Variants in SORBS2 observed in about 807,000 individuals in gnomAD.
The protein encoded by SORBS2 is sorbin and SH3 domain-containing protein 2.
SORBS2 carries 46 observed loss-of-function variants against 97.7 expected under a neutral mutation model. That is an observed-to-expected ratio of 0.47 (90% CI 0.37 to 0.60). The LOEUF (loss-of-function observed/expected upper bound fraction) is 0.60. Ranked by LOEUF, SORBS2 falls within the 20% of genes least tolerant of loss-of-function variation. The probability of loss-of-function intolerance (pLI) is 0.00; values close to 1 mark genes in which losing one functional copy is unlikely to be tolerated. For synonymous variants in SORBS2, 476 were observed against 473.4 expected (o/e 1.01, Z -0.07); for missense variants, 1,316 against 1,282.3 (o/e 1.03, Z -0.40).
chr4:185,817,640 C>A (rs1298931400), intron 1 of SORBS2, among the ~76,000 whole-genome samples: 1 of 152,222 alleles, frequency 6.6e-6, no homozygotes, highest in Non-Finnish European at 1.5e-5. Flanking sequence ...GCCGTCACGG[C>A]ATTGTTGAAT....
At chr4:185,695,271 G>A (rs1427421548) in intron 2 of SORBS2, among the ~76,000 whole-genome samples, 2 of 152,080 alleles carry the variant, frequency 1.3e-5, no homozygotes, top group Non-Finnish European at 2.9e-5. Flanking sequence ...AGAATTCTAT[G>A]TAGGTCATTT....
chr4:185,886,293 C>T (rs377608854), intron 1 of SORBS2, among the ~76,000 whole-genome samples: 5 of 152,104 alleles, frequency 3.3e-5, no homozygotes, highest in Admixed American at 6.5e-5. Context: ...CGGTGGCTCA[C>T]GCCTGTAATC....
intron 4 of SORBS2, among the ~76,000 whole-genome samples, chr4:185,636,978 G>A (rs1020891663): frequency 2.0e-5 from 3 of 152,218 alleles, no homozygotes; most frequent in Admixed American, 6.5e-5. Context: ...AACAGGCTAA[G>A]CAATAAGGCC....
intron 1 of SORBS2, among the ~76,000 whole-genome samples, chr4:185,944,916 T>C (rs10866286): frequency 0.9 from 136,675 of 152,200 alleles, 61,434 homozygotes; most frequent in East Asian, 0.94. Context: ...ACAAAACCAC[T>C]CTGTCACTGA....
At chr4:185,850,914 G>A (rs1579186653) in intron 1 of SORBS2, among the ~76,000 whole-genome samples, 1 of 152,174 alleles carries the variant, frequency 6.6e-6, no homozygotes, top group East Asian at 1.9e-4. Context: ...GGCACACGAG[G>A]GTAAATTCAC....
At chr4:185,717,793 T>A (rs1248463097) in intron 2 of SORBS2, among the ~76,000 whole-genome samples, 1 of 152,192 alleles carries the variant, frequency 6.6e-6, no homozygotes. Context: ...GGCTTAAAAG[T>A]CACAATCTGG....
At chr4:185,591,915 CAA>C (rs2095950057) in intron 13 of SORBS2, 1 of 152,154 alleles carries the variant, frequency 6.6e-6, no homozygotes, top group Non-Finnish European at 1.5e-5. Context: ...ACCACAGAAA[CAA>C]AAACAAAACA....
chr4:185,858,136 A>C (rs1396689101), intron 1 of SORBS2, among the ~76,000 whole-genome samples: 3 of 152,174 alleles, frequency 2.0e-5, no homozygotes, highest in Non-Finnish European at 4.4e-5. Flanking sequence ...GCCCAGCTGT[A>C]AAATTTCTCT....
chr4:185,821,280 G>A (rs2099196691), intron 1 of SORBS2, among the ~76,000 whole-genome samples: 1 of 152,190 alleles, frequency 6.6e-6, no homozygotes, highest in African/African-American at 2.4e-5. Context: ...AGGTGGAGTG[G>A]CACAGAAGCC....
chr4:185,705,596 T>C (rs1171081671), intron 2 of SORBS2, among the ~76,000 whole-genome samples: 2 of 152,182 alleles, frequency 1.3e-5, no homozygotes, highest in Admixed American at 6.5e-5. Context: ...AAGTTTAATA[T>C]TGATATGTTC....
chr4:185,671,885 C>A (rs1241209046), intron 4 of SORBS2, among the ~76,000 whole-genome samples: 1 of 152,190 alleles, frequency 6.6e-6, no homozygotes, highest in East Asian at 1.9e-4. Flanking sequence ...AGGCTGGATG[C>A]CCATCTATTG....
intron 4 of SORBS2, among the ~76,000 whole-genome samples, chr4:185,671,282 C>T (rs1263991948): frequency 2.6e-5 from 4 of 152,172 alleles, no homozygotes; most frequent in Non-Finnish European, 4.4e-5. Context: ...TTCTACTGTA[C>T]TCTGTGGTAT....
rs1028734573 is a variant in SORBS2 at position 185,887,908 on chromosome 4, TTTTG to T, written c.-338+68284_-338+68287del. Among the ~76,000 whole-genome samples the T allele has an allele frequency of 7.2e-5, 11 of 152,074 alleles. No individual in the cohort carries two copies. In the East Asian group the frequency reaches 1.5e-3, roughly 21 times the overall value. ...TGTTGTTGGATAGAAAAGGTTGCTT[TTTTG>T]TTTGACTTTTTACTAAATTATCATG... On this transcript the variant is annotated intron_variant, in intron 1 of 20. Coordinates refer to the SORBS2 transcript ENST00000284776.
chr4:185,744,700 T>G (rs1460320637), intron 2 of SORBS2, among the ~76,000 whole-genome samples: 3 of 152,206 alleles, frequency 2.0e-5, no homozygotes, highest in Non-Finnish European at 4.4e-5. Context: ...ACTGACAATG[T>G]CCAAGTCCAC....
chr4:185,873,714 T>C (rs9995677), intron 1 of SORBS2, among the ~76,000 whole-genome samples: 65,797 of 151,962 alleles, frequency 0.43, 15,450 homozygotes, highest in East Asian at 0.72. Context: ...CCCTGCATAC[T>C]GTCCAAAACT....
At chr4:185,845,401 A>T (rs2099214008) in intron 1 of SORBS2, among the ~76,000 whole-genome samples, 1 of 152,240 alleles carries the variant, frequency 6.6e-6, no homozygotes, top group Non-Finnish European at 1.5e-5. Flanking sequence ...TACATACTTT[A>T]AAGTGGTTAA....
intron 4 of SORBS2, chr4:185,638,998 T>G (rs969628683): frequency 2.6e-6 from 4 of 1,522,712 alleles, no homozygotes; most frequent in Non-Finnish European, 3.5e-6. Context: ...CCGGCCAGGT[T>G]CCCTTGGAAC....
At chr4:185,900,003 A>G (rs944945480) in intron 1 of SORBS2, among the ~76,000 whole-genome samples, 2 of 152,192 alleles carry the variant, frequency 1.3e-5, no homozygotes, top group Non-Finnish European at 2.9e-5. Flanking sequence ...CTGTAGTCTC[A>G]ACTACTAAGG....
chr4:185,704,878 G>C (rs1009415355), intron 2 of SORBS2, among the ~76,000 whole-genome samples: 1 of 152,248 alleles, frequency 6.6e-6, no homozygotes, highest in African/African-American at 2.4e-5. Flanking sequence ...GGTTAACACA[G>C]AGTGGGCAGA....
Sources: allele counts gnomAD v4.1 joint callset (sites outside exome capture counted in the v4.1 genomes callset), GRCh38; gene constraint gnomAD v4.1.1; transcripts MANE v1.5; gene names NCBI Gene and HGNC (gene_info 2026-07-23, HGNC 2026-07-21).